The following LUC7L2 variants were observed in gnomAD, a reference collection of about 807,000 sequenced individuals.
LUC7L2 encodes putative RNA-binding protein Luc7-like 2.
A neutral mutation model predicts 52.8 loss-of-function variants in LUC7L2; 25 were observed. That is an observed-to-expected ratio of 0.47 (90% CI 0.34 to 0.66). LUC7L2 has a LOEUF of 0.66. Among genes scored for constraint, LUC7L2 ranks in the 30% least tolerant of loss-of-function variants. The pLI is 0.01. For synonymous variants in LUC7L2, 144 were observed against 160.9 expected, an observed-to-expected ratio of 0.89 and a Z score of 0.80; for missense variants, 328 against 497.8, an observed-to-expected ratio of 0.66 and a Z score of 3.25.
chr7:139,342,634 G>C (rs1563246910), intron 1 of LUC7L2, among the ~76,000 whole-genome samples: 1 of 152,168 alleles, frequency 6.6e-6, no homozygotes, highest in Non-Finnish European at 1.5e-5. Context: ...GGCTAATTTT[G>C]TATTTTTAGT....
intron 1 of LUC7L2, chr7:139,341,629 A>C: frequency 3.4e-6 from 5 of 1,461,186 alleles, no homozygotes; most frequent in East Asian, 2.5e-5. Flanking sequence ...TCTGAGGCCA[A>C]CCCTCCCACG....
At chr7:139,407,421 A>G (rs1350423195) in intron 6 of LUC7L2, 71 bp downstream of exon 6, 7 of 1,488,358 alleles carry the variant, frequency 4.7e-6, no homozygotes, top group African/African-American at 4.2e-5. Flanking sequence ...TTTTTGTACA[A>G]TATTCTTGAC....
At chr7:139,386,751 G>A (rs1336284995) in intron 2 of LUC7L2, among the ~76,000 whole-genome samples, 1 of 151,902 alleles carries the variant, frequency 6.6e-6, no homozygotes, top group Non-Finnish European at 1.5e-5. Flanking sequence ...CTTTAGGCAA[G>A]ACCTAAATGC....
chr7:139,342,604 CGA>C (rs1453321760), intron 1 of LUC7L2, among the ~76,000 whole-genome samples: 3 of 152,094 alleles, frequency 2.0e-5, no homozygotes, highest in Admixed American at 1.3e-4. Flanking sequence ...TACAGGCAGG[CGA>C]CATGCGACAC....
intron 2 of LUC7L2, among the ~76,000 whole-genome samples, chr7:139,387,378 A>G (rs1794248466): frequency 6.6e-6 from 1 of 151,866 alleles, no homozygotes; most frequent in Non-Finnish European, 1.5e-5. Context: ...TATATTCAGT[A>G]GAGACACGAT....
chr7:139,350,420 C>T (rs929532942), intron 1 of LUC7L2, among the ~76,000 whole-genome samples: 1 of 152,054 alleles, frequency 6.6e-6, no homozygotes. Flanking sequence ...TGCACCCAGC[C>T]ACCTTATCTT....
At chr7:139,405,043 A>G (rs1483913637) in intron 4 of LUC7L2, among the ~76,000 whole-genome samples, 2 of 152,258 alleles carry the variant, frequency 1.3e-5, no homozygotes, top group African/African-American at 2.4e-5. Context: ...AAGTAGTATG[A>G]TATTTATGAA....
At chr7:139,375,352 C>T (rs906921752) in intron 1 of LUC7L2, 28 of 985,218 alleles carry the variant, frequency 2.8e-5, no homozygotes, top group Non-Finnish European at 3.4e-5. Flanking sequence ...TGAAAAAGCT[C>T]AGACTACATA....
Position 139,417,843 on chromosome 7 carries a change from CT to C in LUC7L2, c.1001+115del, listed in dbSNP as rs1238584601. On this transcript the variant is annotated intron_variant, in intron 9 of 9. Coordinates refer to ENST00000354926, the MANE Select transcript of LUC7L2 (RefSeq NM_016019.5). ...GATTATTGGTTTGAAACTTTTGCAT[CT>C]GGTAATATGTACACATTTATGTGTG... is the stretch of plus-strand genomic sequence containing the variant. The C allele has an allele frequency of 6.5e-6, 9 of 1,374,276 alleles. No homozygotes were observed. In the East Asian group the frequency reaches 2.3e-4, roughly 35 times the overall value. 85.1% of individuals were successfully genotyped at this position (1,374,276 alleles called of 1,614,324 possible). A position where few individuals can be genotyped will look rare whatever the true frequency, so the allele number is the denominator to read the frequency against.
At chr7:139,416,235 C>T (rs188997961) in intron 8 of LUC7L2, 17 of 151,536 alleles carry the variant, frequency 1.1e-4, no homozygotes, top group Admixed American at 1.1e-3. Flanking sequence ...TTCTGTCAAA[C>T]GTTTATGTCC....
rs768500321 is a variant in LUC7L2 at position 139,398,553 on chromosome 7, A to T, written c.157-46A>T. On this transcript the variant is annotated intron_variant, in intron 2 of 9. Coordinates refer to ENST00000354926, the MANE Select transcript of LUC7L2 (RefSeq NM_016019.5). ...AACTGTGGTTGTTGAAGCATTTTTT[A>T]AAAAACTTTTTTTTGTTTTAATATT... is the stretch of plus-strand genomic sequence containing the variant. 4.0e-5 allele frequency: 61 copies of T among 1,523,362 alleles called. No homozygotes were observed. The East Asian group carries it at 7.3e-4, about 18-fold the overall frequency. 94.4% of individuals were successfully genotyped at this position (1,523,362 alleles called of 1,614,324 possible). A position where few individuals can be genotyped will look rare whatever the true frequency, so the allele number is the denominator to read the frequency against.
At chr7:139,395,974 A>G (rs1794648914) in intron 2 of LUC7L2, among the ~76,000 whole-genome samples, 1 of 152,074 alleles carries the variant, frequency 6.6e-6, no homozygotes, top group Non-Finnish European at 1.5e-5. Flanking sequence ...ACTTTTTTTA[A>G]TAGTCACAAC....
chr7:139,401,973 A>C (rs1050389870), intron 3 of LUC7L2, among the ~76,000 whole-genome samples, 164 bp from the exon 4 acceptor site: 67 of 151,978 alleles, frequency 4.4e-4, no homozygotes, highest in Non-Finnish European at 6.9e-4. Context: ...GGCTGGCCTC[A>C]AGTGATCTGT....
intron 1 of LUC7L2, among the ~76,000 whole-genome samples, 159 bp downstream of exon 1, chr7:139,360,481 G>T (rs893760959): frequency 2.0e-5 from 3 of 152,206 alleles, no homozygotes; most frequent in Non-Finnish European, 4.4e-5. Context: ...ATCAGGGCTC[G>T]GCAGGCGGGC....
chr7:139,373,444 T>TACA (rs1272168642), intron 1 of LUC7L2, among the ~76,000 whole-genome samples: 2 of 152,224 alleles, frequency 1.3e-5, no homozygotes, highest in Non-Finnish European at 2.9e-5. Flanking sequence ...CTGTATTTGT[T>TACA]GAGTTTGCTA....
At position 139,402,154 on chromosome 7, in the gene LUC7L2, G is replaced by C. The variant is rs1273231937; in HGVS notation, c.273G>C (p.Gln91His). The C allele has an allele frequency of 6.2e-7, 1 of 1,601,472 alleles. No individual in the cohort carries two copies. The highest frequency in any genetic ancestry group is 8.5e-7 in the Non-Finnish European group (1 of 1,176,584). ...CTTTGTAGGCCATGGATCATCTGCA[G>C]TCATTCATTGCAGATTGTGATCGTA... ...FFELDAMDHL[Q>H]SFIADCDRRT... The change falls in exon 4 of 10, where the codon CAG (glutamine) becomes CAC (histidine). Residue 91 changes from glutamine (Q) to histidine (H), a missense_variant. Physicochemically the swap from Gln to His is conservative, Grantham distance 24. Transcript: ENST00000354926.
chr7:139,384,668 A>G (rs1038308104), intron 2 of LUC7L2, among the ~76,000 whole-genome samples: 2 of 152,246 alleles, frequency 1.3e-5, no homozygotes, highest in Non-Finnish European at 2.9e-5. Flanking sequence ...ATTTTTGGCA[A>G]ATAGGAACAA....
chr7:139,423,331 A>G lies in LUC7L2; in HGVS notation c.*991A>G, dbSNP rs1200908753. On this transcript the variant is annotated 3_prime_UTR_variant, in exon 10 of 10. Transcript: ENST00000354926. ...TGTTCATGTGGGCCCCTTGCTGACTATATTCCAGCCACTTCAGGGTTGTTT... is the reference window on the plus strand; with the variant it reads ...TGTTCATGTGGGCCCCTTGCTGACTGTATTCCAGCCACTTCAGGGTTGTTT... 4 of 399,014 alleles carry G rather than the reference A, an allele frequency of 1.0e-5. No individual in the cohort carries two copies. Among genetic ancestry groups the G allele is most frequent in the Middle Eastern group, 6.3e-4 (1 of 1,586 alleles). 24.7% of individuals were successfully genotyped at this position (399,014 alleles called of 1,614,324 possible).
chr7:139,369,361 G>A (rs6949890), intron 1 of LUC7L2, among the ~76,000 whole-genome samples: 37,364 of 151,952 alleles, frequency 0.25, 5,249 homozygotes, highest in East Asian at 0.51. Context: ...AACTATTCAG[G>A]CTTTTCTGAT....
Sources: gnomAD v4.1 joint callset for allele counts (sites outside exome capture counted in the v4.1 genomes callset) on GRCh38, gnomAD v4.1.1 for gene constraint, MANE v1.5 for transcripts, NCBI Gene and HGNC (gene_info 2026-07-23, HGNC 2026-07-21) for gene names.